DCP2: variants seen among roughly 807,000 people sequenced by gnomAD.
DCP2 encodes the protein m7GpppN-mRNA hydrolase.
In DCP2, 30 loss-of-function variants were observed where a neutral mutation model predicts 56.1. The observed-to-expected ratio is 0.53, with a 90% CI of 0.40 to 0.73. The LOEUF is 0.73. Ranked by LOEUF, DCP2 falls within the 30% of genes least tolerant of loss-of-function variation. The pLI is 0.00. For missense variants in DCP2, 533 were observed against 502.7 expected (o/e 1.06, Z -0.58); for synonymous variants, 197 against 163.3 (o/e 1.21, Z -1.57).
rs963817763 is a variant in DCP2, at chr5:113,016,597, A to C, written c.*3113A>C. 1 of 152,230 alleles carries C rather than the reference A, an allele frequency of 6.6e-6. No homozygotes were observed. Among genetic ancestry groups the C allele is most frequent in the African/African-American group, 2.4e-5 (1 of 41,458 alleles). The allele number at this position is 152,230 out of a possible 1,614,324, so 9.4% of individuals were successfully genotyped here. The stretch of plus-strand genomic sequence containing the variant: ...GTCAAATAAAAGGAATTCAAATCTG[A>C]GTAAATAACAGCCTCCTACTATAGG... On this transcript the variant is annotated 3_prime_UTR_variant, in exon 11 of 11. Coordinates refer to ENST00000389063, the MANE Select transcript of DCP2 (RefSeq NM_152624.6).
At chr5:113,013,068 C>T (rs1484499794) in intron 10 of DCP2, among the ~76,000 whole-genome samples, 1 of 152,048 alleles carries the variant, frequency 6.6e-6, no homozygotes, top group East Asian at 1.9e-4. Flanking sequence ...ATTTTGAAAG[C>T]AAAGGAATGT....
Position 113,001,683 on chromosome 5 carries a change from A to T in DCP2, c.806+9A>T. 6.2e-7 allele frequency: 1 copy of T among 1,606,528 alleles called. No homozygotes were observed. Among genetic ancestry groups the T allele is most frequent in the Non-Finnish European group, 8.5e-7 (1 of 1,173,234 alleles). ...ACTGTGGAAAAATTGAGGTAAAGAA[A>T]TACATTCATGGAATCCTGATTTTCT... On this transcript the variant is annotated intron_variant, in intron 7 of 10. Transcript: ENST00000389063.
In DCP2 at chr5:112,984,696, A is replaced by AT. The variant is rs1561685114; in HGVS notation, c.54-1139_54-1138insT. 118 of 115,510 alleles carry AT rather than the reference A, an allele frequency of 1.0e-3. 1 individual carries two copies. The highest frequency in any genetic ancestry group is 4.4e-3 in the African/African-American group (106 of 23,886). The allele number at this position is 115,510 out of a possible 1,614,324, so 7.2% of individuals were successfully genotyped here. On this transcript the variant is annotated intron_variant, in intron 1 of 10. Coordinates refer to ENST00000389063, the MANE Select transcript of DCP2 (RefSeq NM_152624.6). Reference sequence around the variant, plus strand: ...TTTTTATTTCTTAATTAAAAAAAAAAAAAAAAAATATATATATATATATAT... The same window carrying AT: ...TTTTTATTTCTTAATTAAAAAAAAAATAAAAAAAATATATATATATATATAT...
intron 4 of DCP2, among the ~76,000 whole-genome samples, chr5:112,995,376 C>T (rs1350786548): frequency 6.6e-6 from 1 of 152,172 alleles, no homozygotes; most frequent in Non-Finnish European, 1.5e-5. Context: ...TTGTAGTTCT[C>T]TTGCTTATAA....
chr5:112,992,531 C>A (rs1748641547), intron 3 of DCP2, 141 bp from the exon 4 acceptor site: 1 of 719,350 alleles, frequency 1.4e-6, no homozygotes, highest in Non-Finnish European at 2.3e-6. Flanking sequence ...TTCAGACTCA[C>A]TGAAGATACT....
In DCP2 at chr5:112,991,565, G is replaced by T. The variant is rs533673485; in HGVS notation, c.206-556G>T. Among the ~76,000 whole-genome samples, 183 of 152,254 alleles carry T rather than the reference G, an allele frequency of 1.2e-3. 1 individual carries two copies. The highest frequency in any genetic ancestry group is 6.8e-3 in the Middle Eastern group (2 of 294). The stretch of plus-strand genomic sequence containing the variant: ...TCTTCATTATGGAAACAATATATAT[G>T]TGGTAAACAGTATAGAATGGCATAC... On this transcript the variant is annotated intron_variant, in intron 2 of 10. Coordinates refer to ENST00000389063, the MANE Select transcript of DCP2 (RefSeq NM_152624.6).
At chr5:112,998,752 G>A (rs1748982545) in intron 4 of DCP2, among the ~76,000 whole-genome samples, 1 of 152,210 alleles carries the variant, frequency 6.6e-6, no homozygotes, top group Admixed American at 6.5e-5. Flanking sequence ...TGTGTGCAGA[G>A]TTTTTTATTA....
At chr5:112,997,441 A>G (rs1253062901) in intron 4 of DCP2, among the ~76,000 whole-genome samples, 6 of 152,160 alleles carry the variant, frequency 3.9e-5, no homozygotes. Context: ...TTTTAGTGTA[A>G]TGAAACTGAC....
intron 9 of DCP2, chr5:113,008,306 TC>T (rs1749534773): frequency 3.5e-6 from 1 of 284,324 alleles, no homozygotes; most frequent in Admixed American, 5.0e-5. Context: ...TCAAACCTGT[TC>T]TCTAGAGCAA....
At chr5:112,977,125 G>T (rs1045119460) in intron 1 of DCP2, 139 bp downstream of exon 1, 18 of 596,538 alleles carry the variant, frequency 3.0e-5, no homozygotes, top group Non-Finnish European at 4.2e-5. Context: ...TTCCATCGTC[G>T]ACCCTGCTCT....
intron 6 of DCP2, 31 bp downstream of exon 6, chr5:113,001,500 C>G (rs763563359): frequency 5.6e-6 from 9 of 1,608,590 alleles, no homozygotes; most frequent in Admixed American, 1.7e-5. Context: ...ATGTAACTTT[C>G]ATGATTGGGA....
At position 112,982,175 on chromosome 5, in the gene DCP2, A is replaced by G. The variant is rs77865304; in HGVS notation, c.54-3660A>G. On this transcript the variant is annotated intron_variant, in intron 1 of 10. Coordinates refer to ENST00000389063, the MANE Select transcript of DCP2 (RefSeq NM_152624.6). ...CATTTGGACTATGATTCTGTTGTAC[A>G]TGTACTCCTCTCTAATATGTCCAAA... Among the ~76,000 whole-genome samples the G allele has an allele frequency of 7.9e-3, 1,090 of 138,202 alleles. 15 individuals are homozygous for G. The highest frequency in any genetic ancestry group is 0.054 in the East Asian group (275 of 5,106). The allele number at this position is 138,202 out of a possible 152,430, so 90.7% of individuals were successfully genotyped here.
chr5:112,981,161 A>C (rs572561964), intron 1 of DCP2, among the ~76,000 whole-genome samples: 6 of 152,142 alleles, frequency 3.9e-5, no homozygotes, highest in African/African-American at 1.4e-4. Flanking sequence ...GGCATGTACC[A>C]CCATGCCCAG....
intron 4 of DCP2, among the ~76,000 whole-genome samples, chr5:112,999,815 C>CT (rs1246014900): frequency 6.6e-6 from 1 of 151,368 alleles, no homozygotes; most frequent in Non-Finnish European, 1.5e-5. Context: ...AATCCTAGCA[C>CT]TTTGGGAGGC....
intron 1 of DCP2, among the ~76,000 whole-genome samples, chr5:112,979,152 TTGAA>T (rs2150164956): frequency 6.6e-6 from 1 of 152,334 alleles, no homozygotes; most frequent in African/African-American, 2.4e-5. Context: ...ACAAATATTT[TTGAA>T]TGGAGTAACA....
chr5:112,983,710 T>G (rs868648077), intron 1 of DCP2, among the ~76,000 whole-genome samples: 1 of 151,910 alleles, frequency 6.6e-6, no homozygotes, highest in Non-Finnish European at 1.5e-5. Context: ...AAAAAAAAGG[T>G]CATATACAAA....
chr5:112,997,128 G>T (rs569461055), intron 4 of DCP2, among the ~76,000 whole-genome samples: 1 of 152,320 alleles, frequency 6.6e-6, no homozygotes, highest in Admixed American at 6.5e-5. Flanking sequence ...TATCTTGAAG[G>T]TTAGGAGAAC....
At chr5:113,008,476 C>G in intron 9 of DCP2, among the ~76,000 whole-genome samples, 1 of 151,508 alleles carries the variant, frequency 6.6e-6, no homozygotes. Flanking sequence ...TGACAAATAA[C>G]AAAGCAGTTT....
At position 113,017,306 on chromosome 5, in the gene DCP2, G is replaced by T. The variant is rs112396622; in HGVS notation, c.*3822G>T. ...TTTAGATTACTAAACAAAACAAACT[G>T]TTTTTTTGTTTGAAGGTATCCTTTA... On this transcript the variant is annotated 3_prime_UTR_variant, in exon 11 of 11. Coordinates refer to ENST00000389063, the MANE Select transcript of DCP2 (RefSeq NM_152624.6). The T allele has an allele frequency of 4.3e-5, 6 of 140,432 alleles. No individual in the cohort carries two copies. The South Asian group carries it at 1.3e-3, about 30-fold the overall frequency. The allele number at this position is 140,432 out of a possible 1,614,324, so 8.7% of individuals were successfully genotyped here.
Sources: gnomAD v4.1 joint callset for allele counts (sites outside exome capture counted in the v4.1 genomes callset) on GRCh38, gnomAD v4.1.1 for gene constraint, MANE v1.5 for transcripts, NCBI Gene and HGNC (gene_info 2026-07-23, HGNC 2026-07-21) for gene names.